MYLK: variants seen among roughly 807,000 people sequenced by gnomAD.
The protein encoded by MYLK is myosin light chain kinase, also known as myosin light chain kinase, smooth muscle.
A neutral mutation model predicts 203.4 loss-of-function variants in MYLK; 106 were observed. The observed-to-expected ratio is 0.52, with a 90% CI of 0.45 to 0.61. The LOEUF (loss-of-function observed/expected upper bound fraction) is 0.61, where lower values mean the gene tolerates loss of function less well. MYLK is among the 20% of genes least tolerant of loss of function. MYLK has a pLI of 0.00. For missense variants in MYLK, 2,072 were observed against 2,442.3 expected (o/e 0.85, Z 3.20); for synonymous variants, 867 against 959.5 (o/e 0.90, Z 1.78).
Position 123,779,464 on chromosome 3 carries a change from G to A in MYLK, c.165+14213C>T, listed in dbSNP as rs551125757. On this transcript the variant is annotated intron_variant, in intron 4 of 33. Transcript: ENST00000360304. ...TCAGGCTTCCCAGCATTTGGTGGCC[G>A]GGTTGAGCCAAGTTCTTCACACTCC... 8.6e-4 allele frequency among the ~76,000 whole-genome samples: 131 copies of A among 152,250 alleles called. 1 individual carries two copies. The highest frequency in any genetic ancestry group is 3.0e-3 in the African/African-American group (126 of 41,550).
intron 2 of MYLK, among the ~76,000 whole-genome samples, chr3:123,860,747 G>A (rs2148687585): frequency 6.6e-6 from 1 of 152,270 alleles, no homozygotes; most frequent in East Asian, 1.9e-4. Flanking sequence ...CAGTAGTTCT[G>A]TCTTGTTGCT....
chr3:123,830,682 T>G (rs1243285335), intron 3 of MYLK, among the ~76,000 whole-genome samples: 1 of 152,110 alleles, frequency 6.6e-6, no homozygotes, highest in Non-Finnish European at 1.5e-5. Context: ...TCCTCTGCAC[T>G]GAGAGTTAAC....
rs139391789 is a variant in MYLK, at chr3:123,733,883, C to T, written c.1113G>A (p.Arg371=). The change falls in exon 10 of 34, where the codon AGG becomes AGA. Residue 371 remains arginine (R), a synonymous_variant. Coordinates refer to ENST00000360304, the MANE Select transcript of MYLK (RefSeq NM_053025.4). ...LGVLSPSGEE[R]KRPAPPRPAT... ...CTGGACGGGGAGGAGCTGGCCTCTT[C>T]CTCTCTTCTCCAGAAGGTGATAGGA... 105 of 1,613,994 alleles carry T rather than the reference C, an allele frequency of 6.5e-5. No individual in the cohort carries two copies. Among genetic ancestry groups the T allele is most frequent in the Non-Finnish European group, 7.8e-5 (92 of 1,180,052 alleles).
At position 123,638,096 on chromosome 3, in the gene MYLK, T is replaced by C. The variant is rs758272545; in HGVS notation, c.4936A>G (p.Ser1646Gly). ...EPIGYATDMW[S>G]IGVICYILVS... ...AGGATGTAGCAGATGACCCCGATGC[T>C]CCACATGTCTGTGGCGTAGCCGATG... The change falls in exon 29 of 34, where the codon AGC becomes GGC. Residue 1646 changes from serine to glycine, a missense_variant. By Grantham distance (56) the Ser-to-Gly change is moderately conservative. Coordinates refer to ENST00000360304, the MANE Select transcript of MYLK (RefSeq NM_053025.4). 1.7e-5 allele frequency: 28 copies of C among 1,613,944 alleles called. No homozygotes were observed. Among genetic ancestry groups the C allele is most frequent in the Admixed American group, 6.7e-5 (4 of 60,002 alleles).
At chr3:123,695,610 A>T (rs1291623156) in intron 18 of MYLK, among the ~76,000 whole-genome samples, 1 of 152,282 alleles carries the variant, frequency 6.6e-6, no homozygotes, top group Non-Finnish European at 1.5e-5. Context: ...AACAAAGGGC[A>T]TTAGAATAAT....
At chr3:123,876,380 A>G (rs928921642) in intron 2 of MYLK, among the ~76,000 whole-genome samples, 179 bp downstream of exon 2, 7 of 152,174 alleles carry the variant, frequency 4.6e-5, no homozygotes, top group Non-Finnish European at 1.0e-4. Flanking sequence ...GATTATAATG[A>G]TGAAAAAACT....
At chr3:123,821,498 G>T (rs1251109197) in intron 3 of MYLK, among the ~76,000 whole-genome samples, 2 of 152,190 alleles carry the variant, frequency 1.3e-5, no homozygotes, top group Non-Finnish European at 2.9e-5. Flanking sequence ...TTAGTAATAA[G>T]TTCCAAGAAA....
Position 123,699,696 on chromosome 3 carries a change from C to T in MYLK, c.3448+324G>A, listed in dbSNP as rs143004104. Among the ~76,000 whole-genome samples the T allele has an allele frequency of 3.1e-3, 473 of 152,352 alleles. 3 individuals carry two copies. The highest frequency in any genetic ancestry group is 0.011 in the African/African-American group (457 of 41,576). On this transcript the variant is annotated intron_variant, in intron 18 of 33. Coordinates refer to ENST00000360304, the MANE Select transcript of MYLK (RefSeq NM_053025.4). ...TGGAATTAACTCAGGCTCAGGTCTC[C>T]TCTGGGGAGCCACAGGTGGCGGTGC...
chr3:123,620,057 T>C (rs1320707921), intron 32 of MYLK, 150 bp downstream of exon 32: 2 of 748,484 alleles, frequency 2.7e-6, no homozygotes, highest in Non-Finnish European at 4.6e-6. Flanking sequence ...TTAGTAATTG[T>C]CAGGGCAACC....
chr3:123,764,165 A>G (rs969442883), intron 4 of MYLK, among the ~76,000 whole-genome samples: 7 of 152,180 alleles, frequency 4.6e-5, no homozygotes, highest in African/African-American at 1.7e-4. Context: ...AGGTGAGAGA[A>G]ACTTCTTTGA....
At chr3:123,837,068 T>C (rs1038210797) in intron 2 of MYLK, among the ~76,000 whole-genome samples, 2 of 152,310 alleles carry the variant, frequency 1.3e-5, no homozygotes, top group African/African-American at 4.8e-5. Context: ...AGACGGAGTT[T>C]CGCTCTTGTT....
chr3:123,829,430 T>A (rs1346192746), intron 3 of MYLK, among the ~76,000 whole-genome samples: 2 of 152,008 alleles, frequency 1.3e-5, no homozygotes, highest in African/African-American at 4.8e-5. Flanking sequence ...CAGAGCATAC[T>A]AGAGGCTGGG....
At chr3:123,625,648 A>C (rs577723597) in intron 31 of MYLK, among the ~76,000 whole-genome samples, 39 of 151,794 alleles carry the variant, frequency 2.6e-4, no homozygotes, top group Admixed American at 1.8e-3. Flanking sequence ...CTCCACTAAA[A>C]ATACAAAAAA....
intron 3 of MYLK, among the ~76,000 whole-genome samples, chr3:123,820,370 A>G (rs1431878545): frequency 6.6e-6 from 1 of 152,184 alleles, no homozygotes; most frequent in East Asian, 1.9e-4. Flanking sequence ...GGATAAGGTT[A>G]TGGAAATGCC....
intron 13 of MYLK, among the ~76,000 whole-genome samples, chr3:123,719,674 C>T (rs1241028697): frequency 6.6e-6 from 1 of 152,242 alleles, no homozygotes; most frequent in Non-Finnish European, 1.5e-5. Flanking sequence ...AGTGGCAGAG[C>T]AGGACTCACA....
At chr3:123,618,504 G>GT (rs1189128847) in intron 33 of MYLK, 135 bp downstream of exon 33, 1 of 1,246,998 alleles carries the variant, frequency 8.0e-7, no homozygotes, top group African/African-American at 1.5e-5. Context: ...TGCTGACCCA[G>GT]TTTCCCCCAA....
intron 5 of MYLK, among the ~76,000 whole-genome samples, chr3:123,741,658 G>A (rs576464226): frequency 3.9e-5 from 6 of 152,256 alleles, no homozygotes; most frequent in African/African-American, 1.4e-4. Context: ...TCCATTCAAA[G>A]GAAACGACGC....
Position 123,817,762 on chromosome 3 carries a change from G to A in MYLK, c.-4+13786C>T, listed in dbSNP as rs72972354. ...AAAAATAGGGCAGGCCTGAGAGTGC[G>A]AGGAGCTGCAGAACTAACTCCTCCA... On this transcript the variant is annotated intron_variant, in intron 3 of 33. Coordinates refer to ENST00000360304, the MANE Select transcript of MYLK (RefSeq NM_053025.4). Among the ~76,000 whole-genome samples, 203 of 152,272 alleles carry A rather than the reference G, an allele frequency of 1.3e-3. 1 individual carries two copies. Among genetic ancestry groups the A allele is most frequent in the African/African-American group, 3.6e-3 (151 of 41,548 alleles).
rs2061557986 is a variant in MYLK, at chr3:123,708,678, T to C, written c.2140+20A>G. On this transcript the variant is annotated intron_variant, in intron 15 of 33. Transcript: ENST00000360304. ...GCAGCAGCATCTCCTTCCCACTCGCTCTGAGTGGGTCAGCCTCACCTTGTA... is the reference window on the plus strand; with the variant it reads ...GCAGCAGCATCTCCTTCCCACTCGCCCTGAGTGGGTCAGCCTCACCTTGTA... The C allele has an allele frequency of 6.2e-7, 1 of 1,613,394 alleles. No homozygotes were observed. Among genetic ancestry groups the C allele is most frequent in the South Asian group, 1.1e-5 (1 of 91,072 alleles).
Sources: gnomAD v4.1 joint callset for allele counts (sites outside exome capture counted in the v4.1 genomes callset) on GRCh38, gnomAD v4.1.1 for gene constraint, MANE v1.5 for transcripts, NCBI Gene and HGNC (gene_info 2026-07-23, HGNC 2026-07-21) for gene names.